FHIT: variants seen among roughly 807,000 people sequenced by gnomAD.
FHIT encodes fragile histidine triad diadenosine triphosphatase, also known as bis(5'-adenosyl)-triphosphatase.
Under a neutral mutation model 17.9 loss-of-function variants are expected in FHIT, and 19 were observed. The observed-to-expected ratio is 1.06, with a 90% CI of 0.74 to 1.56. FHIT has a LOEUF of 1.56. Ranked by LOEUF, FHIT falls within the 40% of genes most tolerant of loss-of-function variation. FHIT has a pLI of 0.00. For synonymous variants in FHIT, 81 were observed against 69.7 expected (o/e 1.16, Z -0.81); for missense variants, 248 against 189.2 (o/e 1.31, Z -1.82).
intron 8 of FHIT, among the ~76,000 whole-genome samples, chr3:59,768,271 G>T (rs1178431834): frequency 6.6e-6 from 1 of 152,164 alleles, no homozygotes; most frequent in African/African-American, 2.4e-5. Flanking sequence ...AAATGCTCTG[G>T]TCCTGACTTA....
At chr3:60,105,874 A>G (rs1704386239) in intron 5 of FHIT, among the ~76,000 whole-genome samples, 1 of 152,228 alleles carries the variant, frequency 6.6e-6, no homozygotes, top group African/African-American at 2.4e-5. Context: ...ATGAATTTTC[A>G]GAGAAAAGAA....
At chr3:60,998,138 T>C (rs961540459) in intron 3 of FHIT, among the ~76,000 whole-genome samples, 3 of 152,306 alleles carry the variant, frequency 2.0e-5, no homozygotes, top group South Asian at 4.1e-4. Flanking sequence ...ATAGTTCCCA[T>C]AATTTTAACA....
At chr3:60,816,590 G>A (rs1553737772) in intron 4 of FHIT, among the ~76,000 whole-genome samples, 1 of 150,044 alleles carries the variant, frequency 6.7e-6, no homozygotes, top group African/African-American at 2.5e-5. Flanking sequence ...AAGCCTACTT[G>A]ATCATGGTAA....
intron 7 of FHIT, among the ~76,000 whole-genome samples, chr3:59,992,632 T>C (rs59871933): frequency 0.16 from 24,573 of 152,046 alleles, 2,134 homozygotes; most frequent in South Asian, 0.24. Context: ...CTACTAAATA[T>C]TGATTAGAGT....
At chr3:61,020,321 C>T (rs1043893442) in intron 3 of FHIT, among the ~76,000 whole-genome samples, 2 of 152,116 alleles carry the variant, frequency 1.3e-5, no homozygotes, top group Non-Finnish European at 2.9e-5. Context: ...TTTTTGTTGG[C>T]CACATAAATG....
chr3:61,054,212 C>T (rs1355682341), intron 2 of FHIT, among the ~76,000 whole-genome samples: 1 of 152,206 alleles, frequency 6.6e-6, no homozygotes, highest in Non-Finnish European at 1.5e-5. Flanking sequence ...ATTCAAAGAG[C>T]ACTGGAACTG....
chr3:60,161,931 T>C (rs1700959397), intron 5 of FHIT, among the ~76,000 whole-genome samples: 1 of 152,114 alleles, frequency 6.6e-6, no homozygotes, highest in Non-Finnish European at 1.5e-5. Flanking sequence ...CACTCTTCTC[T>C]GCTGAGATTG....
rs544671737 is a variant in FHIT, at chr3:61,003,299, G to C, written c.-111+38748C>G. On this transcript the variant is annotated intron_variant, in intron 3 of 9. Coordinates refer to ENST00000492590, the MANE Select transcript of FHIT (RefSeq NM_002012.4). ...TCTATCTAAAGGGGCACGCCACACT[G>C]TTATTCCTTTGTAATATTAAGAAAT... 6.6e-5 allele frequency among the ~76,000 whole-genome samples: 10 copies of C among 152,264 alleles called. No homozygotes were observed. In the South Asian group the frequency reaches 2.1e-3, roughly 32 times the overall value.
intron 3 of FHIT, among the ~76,000 whole-genome samples, chr3:60,890,210 C>T (rs1341687739): frequency 1.0e-5 from 1 of 96,288 alleles, no homozygotes; most frequent in Admixed American, 1.3e-4. Context: ...AAAAAATTAG[C>T]TTCCATGATG....
intron 5 of FHIT, among the ~76,000 whole-genome samples, chr3:60,132,390 A>G (rs1198142626): frequency 2.0e-5 from 3 of 152,220 alleles, no homozygotes; most frequent in East Asian, 1.9e-4. Context: ...ACGAATGAAC[A>G]TATGACCTCA....
chr3:60,216,299 C>T (rs538214966), intron 5 of FHIT, among the ~76,000 whole-genome samples: 1 of 152,296 alleles, frequency 6.6e-6, no homozygotes, highest in South Asian at 2.1e-4. Context: ...TCTAGGACAG[C>T]TGCATGCAAT....
At chr3:60,797,081 G>A (rs565999003) in intron 4 of FHIT, among the ~76,000 whole-genome samples, 15 of 152,264 alleles carry the variant, frequency 9.9e-5, no homozygotes, top group South Asian at 6.2e-4. Flanking sequence ...TTTCAAAGTT[G>A]TTTGCAAAAT....
At chr3:61,205,348 G>A (rs2039188193) in intron 1 of FHIT, among the ~76,000 whole-genome samples, 1 of 152,122 alleles carries the variant, frequency 6.6e-6, no homozygotes, top group Admixed American at 6.6e-5. Flanking sequence ...GTAATGAGAT[G>A]GCTGAGTCAA....
At chr3:60,999,719 G>A (rs558777260) in intron 3 of FHIT, among the ~76,000 whole-genome samples, 8 of 152,136 alleles carry the variant, frequency 5.3e-5, no homozygotes, top group African/African-American at 1.9e-4. Flanking sequence ...GGAGGAAGCA[G>A]GTGAGCTGAA....
intron 8 of FHIT, among the ~76,000 whole-genome samples, chr3:59,916,231 G>GGATT (rs1385933019): frequency 2.6e-5 from 4 of 152,132 alleles, no homozygotes; most frequent in African/African-American, 9.7e-5. Flanking sequence ...CCCCTGTGCT[G>GGATT]GATTCTTCCT....
At chr3:60,349,367 T>C (rs1402637499) in intron 5 of FHIT, among the ~76,000 whole-genome samples, 1 of 152,150 alleles carries the variant, frequency 6.6e-6, no homozygotes, top group Non-Finnish European at 1.5e-5. Flanking sequence ...AGACACATAG[T>C]GCATTACATA....
intron 3 of FHIT, among the ~76,000 whole-genome samples, chr3:61,019,526 T>A (rs1336580826): frequency 2.0e-5 from 3 of 152,254 alleles, no homozygotes; most frequent in Non-Finnish European, 4.4e-5. Context: ...GATTGCCATA[T>A]GCAGAAACAG....
Position 60,271,439 on chromosome 3 carries a change from A to G in FHIT, c.104-257287T>C, listed in dbSNP as rs142979169. Among the ~76,000 whole-genome samples the G allele has an allele frequency of 2.0e-4, 30 of 152,292 alleles. 1 individual carries two copies. In the East Asian group the frequency reaches 5.0e-3, roughly 25 times the overall value. On this transcript the variant is annotated intron_variant, in intron 5 of 9. Coordinates refer to ENST00000492590, the MANE Select transcript of FHIT (RefSeq NM_002012.4). ...TAAAATAAAATAAACGCCCATTAGC[A>G]TAGACAAAGAGAAAGACAAGAAAGT...
intron 4 of FHIT, among the ~76,000 whole-genome samples, chr3:60,638,796 G>T (rs1353634137): frequency 3.3e-5 from 5 of 151,696 alleles, no homozygotes; most frequent in African/African-American, 9.7e-5. Context: ...ATGCAAATCA[G>T]AAATCAAATG....
Sources: allele counts gnomAD v4.1 joint callset (sites outside exome capture counted in the v4.1 genomes callset), GRCh38; gene constraint gnomAD v4.1.1; transcripts MANE v1.5; gene names NCBI Gene and HGNC (gene_info 2026-07-23, HGNC 2026-07-21).